Variants in PKHD1 observed in about 807,000 individuals in gnomAD.
PKHD1 encodes the protein fibrocystin.
In PKHD1, 291 loss-of-function variants were observed where a neutral mutation model predicts 412.0. The observed-to-expected ratio is 0.71, with a 90% CI of 0.64 to 0.78. The LOEUF (loss-of-function observed/expected upper bound fraction) is 0.78. Ranked by LOEUF, PKHD1 falls within the 30% of genes least tolerant of loss-of-function variation. The pLI, the probability that PKHD1 is intolerant of heterozygous loss-of-function variation, is 0.00. For missense variants in PKHD1, 4,825 were observed against 4,950.7 expected (o/e 0.97, Z 0.76); for synonymous variants, 1,777 against 1,821.5 (o/e 0.98, Z 0.62).
chr6:51,618,082 G>T lies in PKHD1; in HGVS notation c.*999C>A, dbSNP rs1288856902. 3.3e-5 allele frequency: 5 copies of T among 152,172 alleles called. No individual in the cohort carries two copies. The highest frequency in any genetic ancestry group is 3.3e-4 in the Admixed American group (5 of 15,272). The allele number at this position is 152,172 out of a possible 1,614,324, so 9.4% of individuals were successfully genotyped here. A position where few individuals can be genotyped will look rare whatever the true frequency, so the allele number is the denominator to read the frequency against. ...ACAAATGTGTGAATTTGGTGAAATT[G>T]CCTTTAACAACCTTACCAAATGTAT... On this transcript the variant is annotated 3_prime_UTR_variant, in exon 67 of 67. Coordinates refer to ENST00000371117, the MANE Select transcript of PKHD1 (RefSeq NM_138694.4).
At chr6:51,968,432 C>T (rs1793171194) in intron 35 of PKHD1, among the ~76,000 whole-genome samples, 1 of 152,174 alleles carries the variant, frequency 6.6e-6, no homozygotes, top group South Asian at 2.1e-4. Context: ...GTGCTCACAG[C>T]TCACTGAGGG....
intron 52 of PKHD1, among the ~76,000 whole-genome samples, chr6:51,794,323 A>G (rs1794247273): frequency 6.6e-6 from 1 of 152,012 alleles, no homozygotes; most frequent in Non-Finnish European, 1.5e-5. Context: ...GGCTGCGTGT[A>G]TGTCTTCTTT....
chr6:52,045,941 T>C, intron 24 of PKHD1, 63 bp downstream of exon 24: 1 of 1,120,500 alleles, frequency 8.9e-7, no homozygotes, highest in Non-Finnish European at 1.4e-6. Context: ...ATTCTGATTT[T>C]TTTTTTTGCA....
intron 63 of PKHD1, among the ~76,000 whole-genome samples, chr6:51,640,347 T>C (rs983525461): frequency 2.0e-5 from 3 of 152,210 alleles, no homozygotes; most frequent in Non-Finnish European, 4.4e-5. Flanking sequence ...TGCTTTTGCG[T>C]TAAATACCAG....
chr6:51,930,611 C>T (rs191584221), intron 37 of PKHD1, among the ~76,000 whole-genome samples: 5 of 152,266 alleles, frequency 3.3e-5, no homozygotes, highest in Admixed American at 1.3e-4. Context: ...GGAAAGTGAT[C>T]GGACTGACAT....
At chr6:51,994,846 G>T (rs781140834) in intron 35 of PKHD1, among the ~76,000 whole-genome samples, 1 of 152,144 alleles carries the variant, frequency 6.6e-6, no homozygotes, top group Non-Finnish European at 1.5e-5. Flanking sequence ...GCCTCCCAAA[G>T]TACTGGAATT....
intron 35 of PKHD1, among the ~76,000 whole-genome samples, chr6:51,982,248 A>C (rs189313545): frequency 3.4e-5 from 1 of 29,444 alleles, no homozygotes; most frequent in Non-Finnish European, 9.6e-5. Flanking sequence ...GCTTCTGCCC[A>C]GCCGCCCCTA....
chr6:51,638,003 TGAAAGTTTATTAAG>T (rs1383296849), intron 64 of PKHD1, among the ~76,000 whole-genome samples: 1 of 152,218 alleles, frequency 6.6e-6, no homozygotes, highest in Non-Finnish European at 1.5e-5. Context: ...AAAGGCCCGT[TGAAAGTTTATTAAG>T]TTCTCTCAAA....
intron 1 of PKHD1, 63 bp from the exon 2 acceptor site, chr6:52,085,080 G>C (rs1391504561): frequency 4.4e-6 from 3 of 675,418 alleles, no homozygotes; most frequent in Non-Finnish European, 8.2e-6. Context: ...TTATTTTGCT[G>C]TTCTGAAACC....
rs141226957 is a variant in PKHD1, at chr6:51,927,394, A to G, written c.6121+6716T>C. Among the ~76,000 whole-genome samples the G allele has an allele frequency of 1.4e-4, 21 of 152,266 alleles. No individual in the cohort carries two copies. The East Asian group carries it at 4.1e-3, about 29-fold the overall frequency. On this transcript the variant is annotated intron_variant, in intron 37 of 66. Transcript: ENST00000371117. ...AGAAAACATCTCCTTGGGGCTTATT[A>G]AAGAAAGCTAATCTAACTCTGCCAC... is the stretch of plus-strand genomic sequence containing the variant.
Position 51,616,515 on chromosome 6 carries a change from C to G in PKHD1, c.*2566G>C, listed in dbSNP as rs1034895524. On this transcript the variant is annotated 3_prime_UTR_variant, in exon 67 of 67. Transcript: ENST00000371117. Reference sequence around the variant, plus strand: ...CTGCTCTCTTTGCTTTTGGTGTTTCCCTAATTCTCTCATTTTTTTTTTTTT... The same window carrying G: ...CTGCTCTCTTTGCTTTTGGTGTTTCGCTAATTCTCTCATTTTTTTTTTTTT... 4 of 392,536 alleles carry G rather than the reference C, an allele frequency of 1.0e-5. No homozygotes were observed. Among genetic ancestry groups the G allele is most frequent in the South Asian group, 1.4e-4 (1 of 7,004 alleles). 24.3% of individuals were successfully genotyped at this position (392,536 alleles called of 1,614,324 possible).
Position 51,909,521 on chromosome 6 carries a change from G to C in PKHD1, c.6491-47C>G. On this transcript the variant is annotated intron_variant, in intron 39 of 66. Coordinates refer to ENST00000371117, the MANE Select transcript of PKHD1 (RefSeq NM_138694.4). ...AGAGAACCTAAAGCATGTAGAACAT[G>C]CTTCCAGACAAATCTCCCAGTTTGA... is the stretch of plus-strand genomic sequence containing the variant. The C allele has an allele frequency of 2.8e-6, 4 of 1,440,556 alleles. No homozygotes were observed. The African/African-American group carries it at 4.2e-5, about 15-fold the overall frequency. 89.2% of individuals were successfully genotyped at this position (1,440,556 alleles called of 1,614,324 possible).
intron 35 of PKHD1, among the ~76,000 whole-genome samples, chr6:51,989,924 GAA>G (rs1796736951): frequency 1.8e-5 from 2 of 112,010 alleles, no homozygotes; most frequent in Non-Finnish European, 3.8e-5. Flanking sequence ...AGGAAGGAAG[GAA>G]GGAAGGAAAG....
In PKHD1 at chr6:52,030,277, T is replaced by C. The variant is rs149049380; in HGVS notation, c.3365-1926A>G. ...ACTACCTCTGTGACTTTGGGTGATT[T>C]ACTTACGGCTCTCAAAGCCTTGGAT... is the stretch of plus-strand genomic sequence containing the variant. On this transcript the variant is annotated intron_variant, in intron 29 of 66. Transcript: ENST00000371117. Among the ~76,000 whole-genome samples, 107 of 152,356 alleles carry C rather than the reference T, an allele frequency of 7.0e-4. 1 individual carries two copies. In the South Asian group the frequency reaches 9.1e-3, roughly 13 times the overall value.
chr6:51,910,240 C>T (rs1033686440), intron 39 of PKHD1, among the ~76,000 whole-genome samples: 1 of 152,050 alleles, frequency 6.6e-6, no homozygotes, highest in Non-Finnish European at 1.5e-5. Flanking sequence ...TTTGGTGGTA[C>T]AAACTAATCT....
At chr6:51,737,441 C>T (rs1783994385) in intron 60 of PKHD1, among the ~76,000 whole-genome samples, 1 of 152,026 alleles carries the variant, frequency 6.6e-6, no homozygotes, top group South Asian at 2.1e-4. Flanking sequence ...TGTTTTTATT[C>T]AAATAATTAA....
At chr6:52,085,115 A>G in intron 1 of PKHD1, 98 bp from the exon 2 acceptor site, 2 of 594,686 alleles carry the variant, frequency 3.4e-6, no homozygotes, top group Non-Finnish European at 6.1e-6. Flanking sequence ...GATGAGATAA[A>G]CATGGCCTTA....
At chr6:51,832,169 A>G (rs1168461844) in intron 51 of PKHD1, among the ~76,000 whole-genome samples, 1 of 151,972 alleles carries the variant, frequency 6.6e-6, no homozygotes, top group Non-Finnish European at 1.5e-5. Flanking sequence ...AGGAGGATAA[A>G]AACTCTACAC....
chr6:51,775,212 GA>G (rs1307288301), intron 54 of PKHD1, among the ~76,000 whole-genome samples: 3 of 151,714 alleles, frequency 2.0e-5, no homozygotes, highest in Non-Finnish European at 4.4e-5. Flanking sequence ...TTCATGCCAA[GA>G]GTTATCCCTC....
Sources: allele counts gnomAD v4.1 joint callset (sites outside exome capture counted in the v4.1 genomes callset), GRCh38; gene constraint gnomAD v4.1.1; transcripts MANE v1.5; gene names NCBI Gene and HGNC (gene_info 2026-07-23, HGNC 2026-07-21).